The following MYO7A variants were observed in gnomAD, a reference collection of about 807,000 sequenced individuals.
The protein encoded by MYO7A is unconventional myosin-VIIa.
In MYO7A, 210 loss-of-function variants were observed where a neutral mutation model predicts 263.8. The observed-to-expected ratio is 0.80, with a 90% CI of 0.71 to 0.89. MYO7A has a LOEUF of 0.89. MYO7A is among the 40% of genes least tolerant of loss of function. MYO7A has a pLI of 0.00. For synonymous variants in MYO7A, 1,239 were observed against 1,197.3 expected (o/e 1.03, Z -0.72); for missense variants, 2,820 against 2,968.3 (o/e 0.95, Z 1.16).
rs1951004000 is a variant in MYO7A at position 77,138,426 on chromosome 11, C to T, written c.19-4283C>T. ...CCTACGCCGTCCTGCCGGTGAGGCC[C>T]GGGCCAGGAGGGGAGAAGGGAGGGG... On this transcript the variant is annotated intron_variant, in intron 2 of 48. Transcript: ENST00000409709. This position sits in a 1 kb window ranked among gnomAD's most constrained non-coding sequence, Gnocchi z 4.9. Among the ~76,000 whole-genome samples, 1 of 152,100 alleles carries T rather than the reference C, an allele frequency of 6.6e-6. No homozygotes were observed. Among genetic ancestry groups the T allele is most frequent in the Non-Finnish European group, 1.5e-5 (1 of 67,994 alleles).
At chr11:77,130,231 A>C (rs1042354117) in intron 1 of MYO7A, among the ~76,000 whole-genome samples, 6 of 152,214 alleles carry the variant, frequency 3.9e-5, no homozygotes, top group African/African-American at 1.2e-4. Flanking sequence ...ATTAAGTCCT[A>C]GTCCTAAATT....
At chr11:77,191,017 C>A (rs540425850) in intron 30 of MYO7A, 147 bp downstream of exon 30, 2 of 909,022 alleles carry the variant, frequency 2.2e-6, no homozygotes, top group Non-Finnish European at 1.6e-6. Context: ...CTCTGCCTGA[C>A]TCCTCAGGAC....
chr11:77,132,910 G>A (rs1950807353), intron 2 of MYO7A, among the ~76,000 whole-genome samples: 1 of 152,226 alleles, frequency 6.6e-6, no homozygotes, highest in Non-Finnish European at 1.5e-5. Flanking sequence ...CCCGGCCTGT[G>A]GAACTGCAGA....
rs782281371 is a variant in MYO7A, at chr11:77,181,960, C to T, written c.2914C>T (p.Arg972Ter). Residue 972 changes from arginine to a stop codon, truncating the protein, a stop_gained, in exon 24 of 49, where the codon CGA becomes TGA. Transcript: ENST00000409709. LOFTEE classifies it high-confidence loss of function. Reference protein sequence around the residue: ...QAPSGFEDLERGRREMVEEDL... With the variant: ...QAPSGFEDLE ...CTCTTGTCTCCTTCAGGACCTGGAG[C>T]GAGGGCGGAGGGAGATGGTGGAGGA... The T allele has an allele frequency of 6.8e-6, 11 of 1,612,874 alleles. No individual in the cohort carries two copies. The highest frequency in any genetic ancestry group is 4.4e-5 in the South Asian group (4 of 91,036).
rs541191565 is a variant in MYO7A, at chr11:77,170,925, A to G, written c.1798-1823A>G. Among the ~76,000 whole-genome samples the G allele has an allele frequency of 4.6e-5, 7 of 152,348 alleles. 1 individual carries two copies. In the East Asian group the frequency reaches 1.3e-3, roughly 29 times the overall value. Reference sequence around the variant, plus strand: ...AAGAGGCACTGAGGACAGTTGCTAGATGTTTGGCTGGAGCAACGGGAAGGT... The same window carrying G: ...AAGAGGCACTGAGGACAGTTGCTAGGTGTTTGGCTGGAGCAACGGGAAGGT... On this transcript the variant is annotated intron_variant, in intron 15 of 48. Transcript: ENST00000409709.
intron 46 of MYO7A, 109 bp downstream of exon 46, chr11:77,212,046 C>T (rs1227814731): frequency 2.2e-6 from 2 of 929,168 alleles, no homozygotes; most frequent in South Asian, 2.8e-5. Flanking sequence ...GGACACCTGC[C>T]CTGGTGAGGG....
Position 77,190,789 on chromosome 11 carries a change from G to C in MYO7A, c.3843G>C (p.Lys1281Asn), listed in dbSNP as rs759150014. The C allele has an allele frequency of 6.3e-7, 1 of 1,596,094 alleles. No homozygotes were observed. Residue 1281 changes from lysine to asparagine, a missense_variant, in exon 30 of 49, where the codon AAG becomes AAC. By Grantham distance (94) the Lys-to-Asn change is moderately conservative. Coordinates refer to ENST00000409709, the MANE Select transcript of MYO7A (RefSeq NM_000260.4). ...TLLTDSATTA[K>N]ELCNALADKI... ...TGACGGACTCGGCAACCACGGCCAA[G>C]GAGCTCTGCAACGCGCTGGCCGACA... is the stretch of plus-strand genomic sequence containing the variant.
rs754761542 is a variant in MYO7A, at chr11:77,205,541, G to A, written c.5560G>A (p.Val1854Met). ...ACCCAGCAACATCCTCCTGCCCCAC[G>A]TGCAGCGCTTCCTGCAGTCCCGAAA... is the stretch of plus-strand genomic sequence containing the variant. ...FPPSNILLPHVQRFLQSRKHC... is the reference protein window; with the variant it reads ...FPPSNILLPHMQRFLQSRKHC... Residue 1854 changes from valine to methionine, a missense_variant, in exon 40 of 49, where the codon GTG (valine) becomes ATG (methionine). Transcript: ENST00000409709. 1.1e-5 allele frequency: 17 copies of A among 1,610,322 alleles called. No individual in the cohort carries two copies. Among genetic ancestry groups the A allele is most frequent in the Non-Finnish European group, 1.4e-5 (16 of 1,178,760 alleles).
chr11:77,202,936 G>T, intron 37 of MYO7A, 124 bp from the exon 38 acceptor site: 1 of 1,229,698 alleles, frequency 8.1e-7, no homozygotes. Flanking sequence ...GAAGAGCAGG[G>T]CCTGGTGCCC....
In MYO7A at chr11:77,160,971, A is replaced by T; in HGVS notation, c.1201-2A>T. 1 of 1,597,170 alleles carries T rather than the reference A, an allele frequency of 6.3e-7. No individual in the cohort carries two copies. The highest frequency in any genetic ancestry group is 8.5e-7 in the Non-Finnish European group (1 of 1,172,640). Reference sequence around the variant, plus strand: ...TGCCAGTGGCTGATCACTGCCTTTCAGGGGATCTACGGGCGGCTGTTCGTG... The same window carrying T: ...TGCCAGTGGCTGATCACTGCCTTTCTGGGGATCTACGGGCGGCTGTTCGTG... On this transcript the variant is annotated splice_acceptor_variant, in intron 11 of 48. Coordinates refer to ENST00000409709, the MANE Select transcript of MYO7A (RefSeq NM_000260.4). LOFTEE classifies it high-confidence loss of function.
chr11:77,190,215 G>A (rs1220515564), intron 29 of MYO7A, 76 bp downstream of exon 29: 2 of 1,333,426 alleles, frequency 1.5e-6, no homozygotes, highest in Admixed American at 2.8e-5. Flanking sequence ...TGTGTCCAGT[G>A]CACTCGAGTG....
At position 77,181,937 on chromosome 11, in the gene MYO7A, C is replaced by G; in HGVS notation, c.2905-14C>G. Reference sequence around the variant, plus strand: ...GTAGCTGGGACTCCAGGGCATACCTCTTGTCTCCTTCAGGACCTGGAGCGA... The same window carrying G: ...GTAGCTGGGACTCCAGGGCATACCTGTTGTCTCCTTCAGGACCTGGAGCGA... On this transcript the variant is annotated splice_polypyrimidine_tract_variant and intron_variant, in intron 23 of 48. Transcript: ENST00000409709. 6.2e-7 allele frequency: 1 copy of G among 1,612,530 alleles called. No individual in the cohort carries two copies. Among genetic ancestry groups the G allele is most frequent in the Non-Finnish European group, 8.5e-7 (1 of 1,179,490 alleles).
intron 16 of MYO7A, among the ~76,000 whole-genome samples, chr11:77,174,357 GC>G (rs1954421674): frequency 6.6e-6 from 1 of 152,316 alleles, no homozygotes; most frequent in African/African-American, 2.4e-5. Flanking sequence ...GCCTGGACGA[GC>G]CTCTCTAGCT....
At chr11:77,158,950 G>A (rs1952738902) in intron 9 of MYO7A, among the ~76,000 whole-genome samples, 1 of 152,224 alleles carries the variant, frequency 6.6e-6, no homozygotes, top group African/African-American at 2.4e-5. Flanking sequence ...CCCAGGCAGA[G>A]TAGGAGCCCC....
intron 30 of MYO7A, 66 bp downstream of exon 30, chr11:77,190,936 T>C (rs1255335651): frequency 3.4e-6 from 5 of 1,455,952 alleles, no homozygotes; most frequent in East Asian, 2.5e-5. Context: ...GGGCTGCCAG[T>C]GCTGCCACCT....
At chr11:77,144,079 T>C (rs1035571006) in intron 3 of MYO7A, among the ~76,000 whole-genome samples, 29 of 151,968 alleles carry the variant, frequency 1.9e-4, no homozygotes, top group African/African-American at 6.6e-4. Flanking sequence ...TAGTAAGTGA[T>C]GGTGCTGGGA....
At position 77,194,342 on chromosome 11, in the gene MYO7A, C is replaced by T. The variant is rs1254439095; in HGVS notation, c.4153-12C>T. On this transcript the variant is annotated splice_polypyrimidine_tract_variant and intron_variant, in intron 31 of 48. Coordinates refer to ENST00000409709, the MANE Select transcript of MYO7A (RefSeq NM_000260.4). ...CTGGGCCAATGCATGACCGAGGCCT[C>T]CCCCCACCTAGGAGGACGACCTGGC... 3 of 1,607,882 alleles carry T rather than the reference C, an allele frequency of 1.9e-6. No homozygotes were observed. Among genetic ancestry groups the T allele is most frequent in the Non-Finnish European group, 2.5e-6 (3 of 1,177,286 alleles).
intron 2 of MYO7A, among the ~76,000 whole-genome samples, chr11:77,139,639 C>T (rs554821460): frequency 1.1e-4 from 16 of 152,244 alleles, no homozygotes; most frequent in African/African-American, 3.6e-4. Context: ...ATTCTCACCT[C>T]CCTCCTGCCT....
rs535205981 is a variant in MYO7A at position 77,158,302 on chromosome 11, G to A, written c.875G>A (p.Arg292Gln). 176 of 1,609,344 alleles carry A rather than the reference G, an allele frequency of 1.1e-4. 4 individuals are homozygous for A. In the South Asian group the frequency reaches 1.8e-3, roughly 16 times the overall value. The change falls in exon 9 of 49, where the codon CGG (arginine) becomes CAG (glutamine). Residue 292 changes from arginine (R) to glutamine (Q), a missense_variant. Physicochemically the swap from Arg to Gln is conservative, Grantham distance 43. Transcript: ENST00000409709. Reference protein sequence around the residue: ...AMGNCITCEGRVDSQEYANIR... With the variant: ...AMGNCITCEGQVDSQEYANIR... ...GGTAACTGCATAACCTGTGAGGGCCGGGTGGACAGCCAGGAGTACGCCAAC... is the reference window on the plus strand; with the variant it reads ...GGTAACTGCATAACCTGTGAGGGCCAGGTGGACAGCCAGGAGTACGCCAAC...
Sources: gnomAD v4.1 joint callset for allele counts (sites outside exome capture counted in the v4.1 genomes callset) on GRCh38, gnomAD v4.1.1 for gene constraint, Gnocchi (gnomAD v3.1) non-coding constraint, MANE v1.5 for transcripts, NCBI Gene and HGNC (gene_info 2026-07-23, HGNC 2026-07-21) for gene names.